ASB2: variants seen among roughly 807,000 people sequenced by gnomAD.
ASB2 encodes the protein ankyrin repeat and SOCS box containing 2.
Under a neutral mutation model 62.4 loss-of-function variants are expected in ASB2, and 58 were observed. That is an observed-to-expected ratio of 0.93 (90% confidence interval 0.75 to 1.16). The LOEUF (loss-of-function observed/expected upper bound fraction) is 1.16. Among genes scored for constraint, ASB2 ranks in the 50% most tolerant of loss-of-function variants. The probability of loss-of-function intolerance (pLI) is 0.00; values close to 1 mark genes in which losing one functional copy is unlikely to be tolerated. For missense variants in ASB2, 928 were observed against 887.9 expected, an observed-to-expected ratio of 1.05 and a Z score of -0.57; for synonymous variants, 386 against 385.3, an observed-to-expected ratio of 1.00 and a Z score of -0.02.
chr14:93,939,565 G>C lies in ASB2; in HGVS notation c.1160C>G (p.Ala387Gly). Residue 387 changes from alanine to glycine, a missense_variant, in exon 8 of 10, where the codon GCG (alanine) becomes GGG (glycine). Transcript: ENST00000555019. The part of the protein sequence containing the change: ...AERNHDEVLE[A>G]LLSARFDVNT... ...CACGTCGAAGCGCGCGCTCAGCAGC[G>C]CCTCCAGCACCTCGTCGTGGTTGCG... 2 of 1,591,688 alleles carry C rather than the reference G, an allele frequency of 1.3e-6. No homozygotes were observed. The highest frequency in any genetic ancestry group is 1.7e-6 in the Non-Finnish European group (2 of 1,172,138).
chr14:93,956,949 G>A lies in ASB2; in HGVS notation c.207-79C>T, dbSNP rs551967973. 107 of 1,596,948 alleles carry A rather than the reference G, an allele frequency of 6.7e-5. 1 individual carries two copies. Among genetic ancestry groups the A allele is most frequent in the South Asian group, 6.4e-4 (57 of 88,898 alleles). On this transcript the variant is annotated intron_variant, in intron 2 of 9. Coordinates refer to ENST00000555019, the MANE Select transcript of ASB2 (RefSeq NM_001202429.2). Reference sequence around the variant, plus strand: ...GCGGGTCATGGCTTCAGGCAGGAATGAGGATGGAGGGAGAGCCAGGGAGAG... The same window carrying A: ...GCGGGTCATGGCTTCAGGCAGGAATAAGGATGGAGGGAGAGCCAGGGAGAG...
rs1388461607 is a variant in ASB2, at chr14:93,939,775, C to G, written c.1053-103G>C. 9.5e-6 allele frequency: 9 copies of G among 951,440 alleles called. No individual in the cohort carries two copies. The South Asian group carries it at 1.9e-4, about 20-fold the overall frequency. The allele number at this position is 951,440 out of a possible 1,614,324, so 58.9% of individuals were successfully genotyped here. On this transcript the variant is annotated intron_variant, in intron 7 of 9. Coordinates refer to ENST00000555019, the MANE Select transcript of ASB2 (RefSeq NM_001202429.2). Reference sequence around the variant, plus strand: ...AGCTCGGGCGCCAGGCTCGGCTGGTCGCCCTGACCGCGGGCTGCGACGCGG... The same window carrying G: ...AGCTCGGGCGCCAGGCTCGGCTGGTGGCCCTGACCGCGGGCTGCGACGCGG...
Position 93,953,493 on chromosome 14 carries a change from T to G in ASB2, c.493A>C (p.Ile165Leu). ...TCCTCCTGCAGGGTGCGCTGGTCGA[T>G]GGTCCCTGGGTACGCTAGGGAGGGC... The part of the protein sequence containing the change: ...KVLQRAYPGT[I>L]DQRTLQEETA... The change falls in exon 5 of 10, where the codon ATC becomes CTC. Residue 165 changes from isoleucine to leucine, a missense_variant. By Grantham distance (5) the Ile-to-Leu change is conservative. Transcript: ENST00000555019. 6.3e-7 allele frequency: 1 copy of G among 1,596,390 alleles called. No individual in the cohort carries two copies. Among genetic ancestry groups the G allele is most frequent in the Non-Finnish European group, 8.6e-7 (1 of 1,166,506 alleles).
intron 7 of ASB2, among the ~76,000 whole-genome samples, chr14:93,943,442 C>G (rs561917571): frequency 6.6e-6 from 1 of 152,114 alleles, no homozygotes; most frequent in South Asian, 2.1e-4. Flanking sequence ...CTCAGGAGTT[C>G]GAGACCAGCC....
chr14:93,965,505 T>C (rs1889560155), intron 1 of ASB2, among the ~76,000 whole-genome samples: 1 of 152,200 alleles, frequency 6.6e-6, no homozygotes, highest in Non-Finnish European at 1.5e-5. Flanking sequence ...ACTCTTTTCT[T>C]AAAAATGCCT....
rs1277809644 is a variant in ASB2, at chr14:93,939,467, C to T, written c.1258G>A (p.Val420Ile). ...TCGGTGGCGTACACGTTGTTGTTGA[C>T]CACCGCGAAGTACAGCGCGGAGCTG... The part of the protein sequence containing the change: ...RRSSALYFAV[V>I]NNNVYATELL... Residue 420 changes from valine (V) to isoleucine (I), a missense_variant, in exon 8 of 10, where the codon GTC (valine) becomes ATC (isoleucine). Physicochemically the swap from Val to Ile is conservative, Grantham distance 29. Coordinates refer to ENST00000555019, the MANE Select transcript of ASB2 (RefSeq NM_001202429.2). The T allele has an allele frequency of 4.3e-6, 7 of 1,612,258 alleles. No homozygotes were observed. In the East Asian group the frequency reaches 1.3e-4, roughly 31 times the overall value.
At chr14:93,968,227 C>T (rs1889652027) in intron 1 of ASB2, 1 of 152,230 alleles carries the variant, frequency 6.6e-6, no homozygotes, top group African/African-American at 2.4e-5. Flanking sequence ...CCAAGCCTCT[C>T]CCATGGGTTG....
chr14:93,968,485 A>T (rs944501903), intron 1 of ASB2, among the ~76,000 whole-genome samples: 1 of 152,152 alleles, frequency 6.6e-6, no homozygotes, highest in African/African-American at 2.4e-5. Flanking sequence ...TGATCTTCCA[A>T]CCTCAAATCC....
At chr14:93,956,421 G>C (rs1268364032) in intron 3 of ASB2, among the ~76,000 whole-genome samples, 4 of 152,192 alleles carry the variant, frequency 2.6e-5, no homozygotes, top group African/African-American at 9.7e-5. Context: ...TGGGCCTCTG[G>C]GGTTCTAAGG....
intron 3 of ASB2, among the ~76,000 whole-genome samples, chr14:93,956,264 G>C (rs1889197628): frequency 6.6e-6 from 1 of 152,162 alleles, no homozygotes; most frequent in Admixed American, 6.5e-5. Context: ...TTAGCACCTG[G>C]CACTTCACAA....
intron 1 of ASB2, among the ~76,000 whole-genome samples, chr14:93,975,526 C>G (rs1889887679): frequency 6.6e-6 from 1 of 152,162 alleles, no homozygotes; most frequent in Non-Finnish European, 1.5e-5. Flanking sequence ...CCTTCATATC[C>G]CAGATGCTCA....
intron 1 of ASB2, among the ~76,000 whole-genome samples, chr14:93,974,843 G>T (rs1427782871): frequency 2.0e-5 from 3 of 152,234 alleles, no homozygotes; most frequent in Non-Finnish European, 2.9e-5. Flanking sequence ...CTCAACAAAG[G>T]CTTGCTGGTA....
chr14:93,939,310 G>A lies in ASB2; in HGVS notation c.1415C>T (p.Ala472Val), dbSNP rs761722753. Residue 472 changes from alanine (A) to valine (V), a missense_variant, in exon 8 of 10, where the codon GCC becomes GTC. Physicochemically the swap from Ala to Val is moderately conservative, Grantham distance 64. Transcript: ENST00000555019. ...DHGANIDAYI[A>V]THPTAFPATI... is the part of the protein sequence containing the mutation. The stretch of plus-strand genomic sequence containing the variant: ...GGCGGGGAAGGCGGTGGGGTGCGTG[G>A]CGATATAGGCGTCGATGTTCGCGCC... 1.2e-6 allele frequency: 2 copies of A among 1,609,520 alleles called. No homozygotes were observed. The highest frequency in any genetic ancestry group is 1.3e-5 in the African/African-American group (1 of 74,976).
intron 7 of ASB2, 39 bp from the exon 8 acceptor site, chr14:93,939,711 C>A: frequency 7.5e-7 from 1 of 1,332,256 alleles, no homozygotes; most frequent in South Asian, 1.6e-5. Context: ...AGGGGAGGGT[C>A]GGGGTGTGGA....
chr14:93,957,887 C>T (rs974033602), intron 2 of ASB2, among the ~76,000 whole-genome samples: 2 of 152,140 alleles, frequency 1.3e-5, no homozygotes, highest in Non-Finnish European at 2.9e-5. Flanking sequence ...CCCCAGTGGC[C>T]CGGGCCTTTC....
At chr14:93,944,276 T>A (rs67960025) in intron 7 of ASB2, 46,512 of 201,890 alleles carry the variant, frequency 0.23, 6,320 homozygotes, top group East Asian at 0.6. Flanking sequence ...TTGGTGTTGA[T>A]CTTTGATTTC....
intron 1 of ASB2, among the ~76,000 whole-genome samples, chr14:93,969,082 A>G (rs1203955713): frequency 6.6e-6 from 1 of 152,198 alleles, no homozygotes; most frequent in Non-Finnish European, 1.5e-5. Context: ...AATGCACAAA[A>G]TGGAGATATT....
chr14:93,958,252 C>A (rs377549778), intron 2 of ASB2, among the ~76,000 whole-genome samples: 41 of 152,332 alleles, frequency 2.7e-4, no homozygotes, highest in African/African-American at 9.6e-4. Context: ...CTGCATGTGT[C>A]CTCATTTATC....
rs1440747664 is a variant in ASB2 at position 93,939,032 on chromosome 14, C to T, written c.1617+76G>A. On this transcript the variant is annotated intron_variant, in intron 8 of 9. Transcript: ENST00000555019. ...AGGAGCGCGAACCACCCGGCCCCGCCCGCCTCCCATGCGCGCGCGCGTCCC... is the reference window on the plus strand; with the variant it reads ...AGGAGCGCGAACCACCCGGCCCCGCTCGCCTCCCATGCGCGCGCGCGTCCC... 5.4e-6 allele frequency: 7 copies of T among 1,301,822 alleles called. No individual in the cohort carries two copies. The African/African-American group carries it at 7.9e-5, about 15-fold the overall frequency. 80.6% of individuals were successfully genotyped at this position (1,301,822 alleles called of 1,614,324 possible).
Sources: allele counts gnomAD v4.1 joint callset (sites outside exome capture counted in the v4.1 genomes callset), GRCh38; gene constraint gnomAD v4.1.1; transcripts MANE v1.5; gene names NCBI Gene and HGNC (gene_info 2026-07-23, HGNC 2026-07-21).